TBC1D9: variants seen among roughly 807,000 people sequenced by gnomAD.
TBC1D9 encodes TBC1 domain family member 9A.
TBC1D9 carries 63 observed loss-of-function variants against 132.0 expected under a neutral mutation model. The observed-to-expected ratio is 0.48, with a 90% CI of 0.39 to 0.59. TBC1D9 has a LOEUF of 0.59. TBC1D9 is among the 20% of genes least tolerant of loss of function. The probability of loss-of-function intolerance (pLI) is 0.00; values close to 1 mark genes in which losing one functional copy is unlikely to be tolerated. For missense variants in TBC1D9, 1,261 were observed against 1,592.7 expected, an observed-to-expected ratio of 0.79 and a Z score of 3.54; for synonymous variants, 610 against 609.9, an observed-to-expected ratio of 1.00 and a Z score of 0.00.
At chr4:140,656,037 G>A (rs2110995359) in intron 13 of TBC1D9, among the ~76,000 whole-genome samples, 1 of 152,154 alleles carries the variant, frequency 6.6e-6, no homozygotes, top group Non-Finnish European at 1.5e-5. Flanking sequence ...CTTGCCATGT[G>A]CTACTATGGT....
Position 140,684,516 on chromosome 4 carries a change from A to G in TBC1D9, c.360+1828T>C, listed in dbSNP as rs573191705. On this transcript the variant is annotated intron_variant, in intron 3 of 20. Coordinates refer to ENST00000442267, the MANE Select transcript of TBC1D9 (RefSeq NM_015130.3). Reference sequence around the variant, plus strand: ...TCATAATTGGTTTCAGGGGAATTAAATCTGACATTTTTGGTGTAATACAAA... The same window carrying G: ...TCATAATTGGTTTCAGGGGAATTAAGTCTGACATTTTTGGTGTAATACAAA... Among the ~76,000 whole-genome samples, 9 of 152,232 alleles carry G rather than the reference A, an allele frequency of 5.9e-5. No homozygotes were observed. In the East Asian group the frequency reaches 1.8e-3, roughly 30 times the overall value.
At chr4:140,696,186 GAT>G (rs1737953610) in intron 2 of TBC1D9, among the ~76,000 whole-genome samples, 1 of 66,364 alleles carries the variant, frequency 1.5e-5, no homozygotes, top group Non-Finnish European at 3.3e-5. Context: ...GGCCAGGCGT[GAT>G]GGCTCACGCC....
At chr4:140,718,496 C>A (rs1484715167) in intron 1 of TBC1D9, among the ~76,000 whole-genome samples, 2 of 152,148 alleles carry the variant, frequency 1.3e-5, no homozygotes, top group Admixed American at 6.6e-5. Context: ...GGGCCTCATA[C>A]CTCCTTAGCT....
At chr4:140,629,973 CA>C (rs1372447326) in intron 16 of TBC1D9, among the ~76,000 whole-genome samples, 1 of 152,130 alleles carries the variant, frequency 6.6e-6, no homozygotes, top group Non-Finnish European at 1.5e-5. Flanking sequence ...TCCTATTTTA[CA>C]GATAAGAAAA....
intron 2 of TBC1D9, among the ~76,000 whole-genome samples, chr4:140,687,395 T>TATAA (rs1209807437): frequency 9.9e-6 from 1 of 100,788 alleles, no homozygotes; most frequent in Non-Finnish European, 2.0e-5. Context: ...TATATATATA[T>TATAA]AAACATATAG....
Position 140,643,665 on chromosome 4 carries a change from A to G in TBC1D9, c.2338-4237T>C. ...CTCCACTGGCTCCTCCTTGGCCTCC[A>G]CTAGCGTCTCGGGTGTCAGCTGCAC... On this transcript the variant is annotated intron_variant, in intron 13 of 20. Coordinates refer to ENST00000442267, the MANE Select transcript of TBC1D9 (RefSeq NM_015130.3). 4.5e-6 allele frequency: 5 copies of G among 1,118,328 alleles called. No individual in the cohort carries two copies. In the South Asian group the frequency reaches 6.3e-5, roughly 14 times the overall value. 69.3% of individuals were successfully genotyped at this position (1,118,328 alleles called of 1,614,324 possible).
chr4:140,665,981 G>T (rs953092460), intron 9 of TBC1D9, among the ~76,000 whole-genome samples: 1 of 152,134 alleles, frequency 6.6e-6, no homozygotes, highest in African/African-American at 2.4e-5. Flanking sequence ...ACTGTGCCCA[G>T]CCCACACAAA....
intron 13 of TBC1D9, 60 bp downstream of exon 13, chr4:140,657,037 G>A (rs1329487399): frequency 5.7e-6 from 9 of 1,578,846 alleles, no homozygotes; most frequent in East Asian, 2.2e-5. Context: ...CACAAAACAG[G>A]CAGCAGTGGA....
At chr4:140,648,382 G>GTTTTTTTT (rs1426316935) in intron 13 of TBC1D9, among the ~76,000 whole-genome samples, 2 of 137,294 alleles carry the variant, frequency 1.5e-5, no homozygotes, top group African/African-American at 5.6e-5. Flanking sequence ...CAGTTTTGTT[G>GTTTTTTTT]TTGTTTTTTT....
At chr4:140,643,281 C>G in intron 13 of TBC1D9, 3 of 1,298,880 alleles carry the variant, frequency 2.3e-6, no homozygotes, top group Middle Eastern at 1.8e-4. Flanking sequence ...CAGGGTGATG[C>G]CGTGCAGAAA....
chr4:140,659,716 G>A lies in TBC1D9; in HGVS notation c.1804-11C>T. The A allele has an allele frequency of 6.5e-7, 1 of 1,545,718 alleles. No individual in the cohort carries two copies. Among genetic ancestry groups the A allele is most frequent in the Non-Finnish European group, 8.9e-7 (1 of 1,128,994 alleles). ...GACAATATTCATGGCCTAAAAAAGT[G>A]AAAGAGGATGTCATCAAATACAGTT... On this transcript the variant is annotated splice_polypyrimidine_tract_variant and intron_variant, in intron 10 of 20. Coordinates refer to ENST00000442267, the MANE Select transcript of TBC1D9 (RefSeq NM_015130.3).
chr4:140,665,869 A>G (rs1015278128), intron 9 of TBC1D9, among the ~76,000 whole-genome samples: 2 of 151,974 alleles, frequency 1.3e-5, no homozygotes, highest in African/African-American at 2.4e-5. Flanking sequence ...TTTTTTGTAG[A>G]GATGGGGTCT....
chr4:140,747,625 G>C (rs1358099945), intron 1 of TBC1D9, among the ~76,000 whole-genome samples: 1 of 152,172 alleles, frequency 6.6e-6, no homozygotes, highest in Non-Finnish European at 1.5e-5. Flanking sequence ...CTCCAAGGGG[G>C]AGAGCTCTAT....
intron 1 of TBC1D9, among the ~76,000 whole-genome samples, chr4:140,728,402 A>T (rs1578858610): frequency 2.1e-5 from 1 of 48,106 alleles, no homozygotes; most frequent in East Asian, 1.1e-3. Context: ...TTTAAATGGT[A>T]AAAAAAAAAA....
rs10031535 is a variant in TBC1D9, at chr4:140,701,665, C to T, written c.131-51G>A. On this transcript the variant is annotated intron_variant, in intron 1 of 20. Transcript: ENST00000442267. ...AGGTAAGAATTGCCTTAGTACTTTC[C>T]CACATTCCCAGGGGCAGCATGAACA... 5.7e-3 allele frequency: 8,111 copies of T among 1,418,858 alleles called. 235 individuals carry two copies. In the African/African-American group the frequency reaches 0.064, roughly 11 times the overall value. 87.9% of individuals were successfully genotyped at this position (1,418,858 alleles called of 1,614,324 possible). A position where few individuals can be genotyped will look rare whatever the true frequency, so the allele number is the denominator to read the frequency against.
At chr4:140,639,191 C>T in intron 14 of TBC1D9, 37 bp from the exon 15 acceptor site, 5 of 1,519,826 alleles carry the variant, frequency 3.3e-6, no homozygotes, top group Non-Finnish European at 4.5e-6. Flanking sequence ...TTCACAAACT[C>T]AAAAAGTGCC....
At position 140,676,948 on chromosome 4, in the gene TBC1D9, G is replaced by T. The variant is rs371069736; in HGVS notation, c.1005C>A (p.Ile335=). Residue 335 remains isoleucine (I), a synonymous_variant, in exon 6 of 21, where the codon ATC becomes ATA. Coordinates refer to ENST00000442267, the MANE Select transcript of TBC1D9 (RefSeq NM_015130.3). ...AGTTCTCCTCCTTGCTGGTAAAACA[G>T]ATGTAATTTGTGGACACAAACATCT... The part of the protein sequence containing the change: ...LGQMFVSTNY[I]CFTSKEENLC... 40 of 1,613,888 alleles carry T rather than the reference G, an allele frequency of 2.5e-5. No individual in the cohort carries two copies. The highest frequency in any genetic ancestry group is 3.2e-5 in the Non-Finnish European group (38 of 1,179,888).
chr4:140,657,743 A>G lies in TBC1D9; in HGVS notation c.1991T>C (p.Met664Thr), dbSNP rs1737294817. 2.5e-6 allele frequency: 4 copies of G among 1,613,908 alleles called. No homozygotes were observed. Among genetic ancestry groups the G allele is most frequent in the African/African-American group, 2.7e-5 (2 of 74,936 alleles). ...GGTGGAAATCACGCCCAGGTCTTGC[A>G]TGCAGTCGTACAGCTGTGGGACGTA... ...RDYVPQLYDC[M>T]QDLGVISTIS... Residue 664 changes from methionine (M) to threonine (T), a missense_variant, in exon 12 of 21, where the codon ATG becomes ACG. Met to Thr is a moderately conservative substitution (Grantham distance 81). Transcript: ENST00000442267.
chr4:140,651,556 T>C (rs1366674679), intron 13 of TBC1D9, among the ~76,000 whole-genome samples: 1 of 152,218 alleles, frequency 6.6e-6, no homozygotes, highest in African/African-American at 2.4e-5. Context: ...ACATTTTCTT[T>C]TGAGGTATAA....
Sources: gnomAD v4.1 joint callset for allele counts (sites outside exome capture counted in the v4.1 genomes callset) on GRCh38, gnomAD v4.1.1 for gene constraint, MANE v1.5 for transcripts, NCBI Gene and HGNC (gene_info 2026-07-23, HGNC 2026-07-21) for gene names.